The following LVRN variants were observed in gnomAD, a reference collection of about 807,000 sequenced individuals.
LVRN encodes the protein laeverin.
LVRN carries 99 observed loss-of-function variants against 111.4 expected under a neutral mutation model. That is an observed-to-expected ratio of 0.89 (90% CI 0.76 to 1.05). The LOEUF is 1.05. Among genes scored for constraint, LVRN ranks in the 50% least tolerant of loss-of-function variants. The pLI, the probability that LVRN is intolerant of heterozygous loss-of-function variation, is 0.00. For missense variants in LVRN, 1,414 were observed against 1,206.8 expected (o/e 1.17, Z -2.54); for synonymous variants, 488 against 449.5 (o/e 1.09, Z -1.08).
At position 116,014,527 on chromosome 5, in the gene LVRN, A is replaced by T; in HGVS notation, c.2450A>T (p.Glu817Val). ...FAKWVDHPEN[E>V]IPYPIKDVVL... ...AAATGGGTGGATCATCCAGAAAATG[A>T]GTAAGAGTAATATCATAATTCCTCT... The change falls in exon 16 of 20, where the codon GAA becomes GTA. Residue 817 changes from glutamate (E) to valine (V), a missense_variant and splice_region_variant. Physicochemically the swap from Glu to Val is moderately radical, Grantham distance 121. Transcript: ENST00000357872. 6.2e-7 allele frequency: 1 copy of T among 1,609,084 alleles called. No homozygotes were observed. Among genetic ancestry groups the T allele is most frequent in the Non-Finnish European group, 8.5e-7 (1 of 1,175,806 alleles).
At chr5:115,970,213 T>G (rs1753292709) in intron 1 of LVRN, among the ~76,000 whole-genome samples, 1 of 152,282 alleles carries the variant, frequency 6.6e-6, no homozygotes, top group Non-Finnish European at 1.5e-5. Context: ...TCTTCTGCTC[T>G]TTATAATCTC....
Position 115,962,511 on chromosome 5 carries a change from T to C in LVRN, c.-107T>C, listed in dbSNP as rs1401455892. 9.8e-7 allele frequency: 1 copy of C among 1,021,066 alleles called. No individual in the cohort carries two copies. Among genetic ancestry groups the C allele is most frequent in the Non-Finnish European group, 1.5e-6 (1 of 685,278 alleles). The allele number at this position is 1,021,066 out of a possible 1,614,324, so 63.3% of individuals were successfully genotyped here. On this transcript the variant is annotated 5_prime_UTR_variant, in exon 1 of 20. Coordinates refer to ENST00000357872, the MANE Select transcript of LVRN (RefSeq NM_173800.5). ...GCTCTTCCAGGAGGAAGAGGCACGATACAAGAGAGGAGGGGCAGGGGTCGC... is the reference window on the plus strand; with the variant it reads ...GCTCTTCCAGGAGGAAGAGGCACGACACAAGAGAGGAGGGGCAGGGGTCGC...
In LVRN at chr5:115,984,418, A is replaced by G. The variant is rs1195129439; in HGVS notation, c.839-152A>G. 6.7e-6 allele frequency: 6 copies of G among 892,576 alleles called. No individual in the cohort carries two copies. In the African/African-American group the frequency reaches 1.0e-4, roughly 15 times the overall value. 55.3% of individuals were successfully genotyped at this position (892,576 alleles called of 1,614,324 possible). On this transcript the variant is annotated intron_variant, in intron 2 of 19. Transcript: ENST00000357872. ...TGAGATTTTCCTAATGTGGTTTTGGATAGCTTAGGAGTAGGTGGAGAAATC... is the reference window on the plus strand; with the variant it reads ...TGAGATTTTCCTAATGTGGTTTTGGGTAGCTTAGGAGTAGGTGGAGAAATC...
At chr5:115,974,950 T>G (rs1481407459) in intron 1 of LVRN, 1 of 442,820 alleles carries the variant, frequency 2.3e-6, no homozygotes, top group Non-Finnish European at 4.5e-6. Flanking sequence ...ATAAATGATC[T>G]GCAACTGCCT....
intron 14 of LVRN, among the ~76,000 whole-genome samples, chr5:116,011,754 G>A (rs542101675): frequency 6.6e-6 from 1 of 152,176 alleles, no homozygotes; most frequent in Non-Finnish European, 1.5e-5. Flanking sequence ...GATAACATCT[G>A]ATGACTTGTT....
Position 115,962,623 on chromosome 5 carries a change from G to C in LVRN, c.6G>C (p.Gly2=). Residue 2 remains glycine, a synonymous_variant, in exon 1 of 20, where the codon GGG becomes GGC. Transcript: ENST00000357872. ...GCCTGAACCCGGTCCCTGCCATGGG[G>C]CCCCCTTCCAGCTCAGGCTTCTATG... M[G]PPSSSGFYVS... 4 of 1,593,820 alleles carry C rather than the reference G, an allele frequency of 2.5e-6. No individual in the cohort carries two copies. The highest frequency in any genetic ancestry group is 3.4e-6 in the Non-Finnish European group (4 of 1,171,438).
At chr5:115,975,345 G>T in intron 1 of LVRN, 1 of 277,532 alleles carries the variant, frequency 3.6e-6, no homozygotes, top group South Asian at 4.3e-5. Flanking sequence ...TTGCCAATAT[G>T]ATATCAACAC....
At chr5:116,007,841 A>G (rs1748409630) in intron 13 of LVRN, among the ~76,000 whole-genome samples, 1 of 152,206 alleles carries the variant, frequency 6.6e-6, no homozygotes, top group Admixed American at 6.5e-5. Context: ...AAAATTTCAA[A>G]CTTTTTCATG....
intron 12 of LVRN, among the ~76,000 whole-genome samples, chr5:116,004,445 TC>T (rs1748313596): frequency 6.6e-6 from 1 of 152,178 alleles, no homozygotes; most frequent in African/African-American, 2.4e-5. Context: ...AAAAGATGTC[TC>T]TCTGTTAAGT....
chr5:116,009,578 TA>T (rs532622410), intron 13 of LVRN, among the ~76,000 whole-genome samples: 2 of 151,936 alleles, frequency 1.3e-5, no homozygotes, highest in East Asian at 1.9e-4. Flanking sequence ...TGAAAGGAGG[TA>T]AAAAAAATCA....
At chr5:116,012,491 T>C (rs1376792016) in intron 15 of LVRN, 23 bp downstream of exon 15, 2 of 1,386,102 alleles carry the variant, frequency 1.4e-6, no homozygotes, top group East Asian at 2.4e-5. Flanking sequence ...TCAGAAGTGA[T>C]AATTGAATAA....
chr5:115,963,346 C>A, intron 1 of LVRN, 34 bp downstream of exon 1: 5 of 1,510,542 alleles, frequency 3.3e-6, no homozygotes, highest in Non-Finnish European at 4.4e-6. Context: ...CCCTCTCGGC[C>A]CCCGCCCCTG....
intron 1 of LVRN, among the ~76,000 whole-genome samples, chr5:115,968,981 G>A (rs1194389376): frequency 6.6e-6 from 1 of 152,134 alleles, no homozygotes; most frequent in African/African-American, 2.4e-5. Context: ...TAGCCCAGAT[G>A]AGGGCCCCCA....
chr5:116,011,816 G>A (rs1748495564), intron 14 of LVRN, among the ~76,000 whole-genome samples: 2 of 152,162 alleles, frequency 1.3e-5, no homozygotes. Flanking sequence ...TCAATGAACA[G>A]CAGCTAGTTA....
At chr5:115,967,991 G>A (rs2112548706) in intron 1 of LVRN, among the ~76,000 whole-genome samples, 1 of 152,214 alleles carries the variant, frequency 6.6e-6, no homozygotes, top group Admixed American at 6.5e-5. Flanking sequence ...ATTTTGTAGA[G>A]CCCTTGGAAT....
chr5:116,013,590 T>C (rs1016625390), intron 15 of LVRN, among the ~76,000 whole-genome samples: 29 of 152,096 alleles, frequency 1.9e-4, no homozygotes, highest in Admixed American at 1.8e-3. Flanking sequence ...AATGAATGCC[T>C]AGAACTGTCT....
chr5:115,988,871 C>T (rs1747923980), intron 4 of LVRN, among the ~76,000 whole-genome samples: 1 of 152,146 alleles, frequency 6.6e-6, no homozygotes, highest in Non-Finnish European at 1.5e-5. Context: ...GGGCTGGAGG[C>T]TCCCAAGACG....
chr5:116,000,805 A>G (rs1748222111), intron 9 of LVRN, 147 bp downstream of exon 9: 4 of 869,796 alleles, frequency 4.6e-6, no homozygotes, highest in Non-Finnish European at 7.1e-6. Flanking sequence ...TAGTGTCTTT[A>G]GTCTTCACTA....
chr5:115,997,929 C>T (rs1748153868), intron 6 of LVRN, among the ~76,000 whole-genome samples: 1 of 152,140 alleles, frequency 6.6e-6, no homozygotes, highest in African/African-American at 2.4e-5. Context: ...CATCAATTAC[C>T]TTGTATGGTT....
Sources: gnomAD v4.1 joint callset for allele counts (sites outside exome capture counted in the v4.1 genomes callset) on GRCh38, gnomAD v4.1.1 for gene constraint, MANE v1.5 for transcripts, NCBI Gene and HGNC (gene_info 2026-07-23, HGNC 2026-07-21) for gene names.